Variants in BAZ1A observed in about 807,000 individuals in gnomAD.
BAZ1A encodes bromodomain adjacent to zinc finger domain 1A, also known as bromodomain adjacent to zinc finger domain protein 1A.
In BAZ1A, 50 loss-of-function variants were observed where a neutral mutation model predicts 185.2. The ratio of observed to expected loss-of-function variants is 0.27; its 90% confidence interval spans 0.22 to 0.34. The LOEUF (loss-of-function observed/expected upper bound fraction) is 0.34, where lower values mean the gene tolerates loss of function less well. Among genes scored for constraint, BAZ1A ranks in the 10% least tolerant of loss-of-function variants. The probability of loss-of-function intolerance (pLI) is 1.00; values close to 1 mark genes in which losing one functional copy is unlikely to be tolerated. For synonymous variants in BAZ1A, 571 were observed against 615.6 expected, an observed-to-expected ratio of 0.93 and a Z score of 1.07; for missense variants, 1,356 against 1,839.9, an observed-to-expected ratio of 0.74 and a Z score of 4.81.
chr14:34,803,776 ATAACT>A (rs1207674589), intron 6 of BAZ1A, among the ~76,000 whole-genome samples: 1 of 152,222 alleles, frequency 6.6e-6, no homozygotes, highest in African/African-American at 2.4e-5. Context: ...GGGTAGAGTA[ATAACT>A]TAACTACTTA....
intron 21 of BAZ1A, among the ~76,000 whole-genome samples, chr14:34,770,166 T>C (rs2138571264): frequency 6.6e-6 from 1 of 152,370 alleles, no homozygotes; most frequent in Non-Finnish European, 1.5e-5. Context: ...ATTTTTGTTT[T>C]TTTTAAGACA....
At chr14:34,812,666 G>C (rs2041946879) in intron 4 of BAZ1A, among the ~76,000 whole-genome samples, 1 of 152,232 alleles carries the variant, frequency 6.6e-6, no homozygotes, top group African/African-American at 2.4e-5. Flanking sequence ...TGAATGTAAA[G>C]AGGATGTAAG....
chr14:34,803,297 T>G (rs1881670670), intron 6 of BAZ1A, among the ~76,000 whole-genome samples: 1 of 149,266 alleles, frequency 6.7e-6, no homozygotes, highest in South Asian at 2.1e-4. Flanking sequence ...GAGAATCACT[T>G]GAATCTGGGA....
chr14:34,842,033 C>CT (rs2138761054), intron 3 of BAZ1A, among the ~76,000 whole-genome samples: 1 of 152,076 alleles, frequency 6.6e-6, no homozygotes, highest in African/African-American at 2.4e-5. Flanking sequence ...TAAAATTATC[C>CT]TTTTGTGTTT....
chr14:34,838,439 G>A (rs375824461), intron 3 of BAZ1A, among the ~76,000 whole-genome samples: 7 of 152,166 alleles, frequency 4.6e-5, no homozygotes, highest in Non-Finnish European at 8.8e-5. Context: ...GAAATGTTCT[G>A]TATTATAACT....
At chr14:34,867,249 A>G (rs1314927403) in intron 2 of BAZ1A, among the ~76,000 whole-genome samples, 1 of 151,886 alleles carries the variant, frequency 6.6e-6, no homozygotes, top group Non-Finnish European at 1.5e-5. Flanking sequence ...ACAGAGCGAG[A>G]CTCTGTCTCA....
intron 3 of BAZ1A, among the ~76,000 whole-genome samples, chr14:34,844,202 T>A: frequency 1.5e-5 from 1 of 65,400 alleles, no homozygotes. Context: ...CGAGACTCCG[T>A]CTCAAAAAAA....
At chr14:34,784,914 T>C (rs1405891287) in intron 14 of BAZ1A, among the ~76,000 whole-genome samples, 1 of 152,168 alleles carries the variant, frequency 6.6e-6, no homozygotes, top group African/African-American at 2.4e-5. Flanking sequence ...TGGAGTACAG[T>C]GGCACCATCT....
At chr14:34,812,229 G>C (rs767742166) in intron 4 of BAZ1A, among the ~76,000 whole-genome samples, 9 of 151,590 alleles carry the variant, frequency 5.9e-5, no homozygotes, top group African/African-American at 1.5e-4. Context: ...GAGATCTGGG[G>C]GGGGAGGGGA....
chr14:34,861,662 T>C (rs2042770706), intron 3 of BAZ1A, among the ~76,000 whole-genome samples: 5 of 152,216 alleles, frequency 3.3e-5, no homozygotes, highest in Admixed American at 3.3e-4. Context: ...AATAGAACTT[T>C]ATTATACAGT....
rs56363030 is a variant in BAZ1A, at chr14:34,854,371, G to A, written c.392+7673C>T. 3.3e-3 allele frequency among the ~76,000 whole-genome samples: 497 copies of A among 152,196 alleles called. 2 individuals carry two copies. Among genetic ancestry groups the A allele is most frequent in the African/African-American group, 0.011 (473 of 41,516 alleles). ...CGGGACACAGAATCTGCAGTGAGCC[G>A]AGGTCACGCTACTGCACTCCAGCCT... On this transcript the variant is annotated intron_variant, in intron 3 of 26. Coordinates refer to ENST00000360310, the MANE Select transcript of BAZ1A (RefSeq NM_013448.3).
In BAZ1A at chr14:34,788,368, A is replaced by G. The variant is rs377219998; in HGVS notation, c.1511-2147T>C. On this transcript the variant is annotated intron_variant, in intron 12 of 26. Transcript: ENST00000360310. ...GCCCAGGCTGGAGTGCAGTGCTGCA[A>G]TCTCAGCTCACTACAACCTCTGCCT... Among the ~76,000 whole-genome samples, 6 of 152,114 alleles carry G rather than the reference A, an allele frequency of 3.9e-5. No individual in the cohort carries two copies. In the East Asian group the frequency reaches 7.7e-4, roughly 20 times the overall value.
intron 4 of BAZ1A, among the ~76,000 whole-genome samples, chr14:34,817,146 A>C (rs574396578): frequency 6.6e-6 from 1 of 152,184 alleles, no homozygotes; most frequent in African/African-American, 2.4e-5. Flanking sequence ...TGCAGCCCAA[A>C]CTCTTATCCA....
chr14:34,858,932 G>A (rs183770790), intron 3 of BAZ1A, among the ~76,000 whole-genome samples: 1 of 152,220 alleles, frequency 6.6e-6, no homozygotes, highest in African/African-American at 2.4e-5. Flanking sequence ...CCTGAGGCAG[G>A]GATCATGCCT....
In BAZ1A at chr14:34,753,805, G is replaced by A. The variant is rs529312839; in HGVS notation, c.4475-101C>T. ...TGGAAATTTTATTAAGAAAATGGAA[G>A]CCCACTTTTTTCTTTAGAAAGAGAA... On this transcript the variant is annotated intron_variant, in intron 26 of 26. Coordinates refer to ENST00000360310, the MANE Select transcript of BAZ1A (RefSeq NM_013448.3). 2.8e-6 allele frequency: 3 copies of A among 1,063,368 alleles called. No individual in the cohort carries two copies. In the Admixed American group the frequency reaches 1.0e-4, roughly 36 times the overall value. 65.9% of individuals were successfully genotyped at this position (1,063,368 alleles called of 1,614,324 possible).
chr14:34,835,601 G>A lies in BAZ1A; in HGVS notation c.393-9445C>T, dbSNP rs111338292. On this transcript the variant is annotated intron_variant, in intron 3 of 26. Coordinates refer to ENST00000360310, the MANE Select transcript of BAZ1A (RefSeq NM_013448.3). Reference sequence around the variant, plus strand: ...AGAGTGAAAGCAAGACTGTGGAACAGGAGCAAGTACAGTATAAGGGCACAA... The same window carrying A: ...AGAGTGAAAGCAAGACTGTGGAACAAGAGCAAGTACAGTATAAGGGCACAA... 3.6e-3 allele frequency among the ~76,000 whole-genome samples: 542 copies of A among 151,756 alleles called. 16 individuals carry two copies. The highest frequency in any genetic ancestry group is 0.013 in the African/African-American group (519 of 41,182).
intron 1 of BAZ1A, 63 bp downstream of exon 1, chr14:34,875,075 G>A (rs1029088326): frequency 5.6e-6 from 2 of 357,032 alleles, no homozygotes; most frequent in South Asian, 4.1e-5. Context: ...GAGCTGCTCC[G>A]CTTTGTTCCC....
intron 21 of BAZ1A, among the ~76,000 whole-genome samples, chr14:34,769,594 A>G (rs1367885845): frequency 6.6e-6 from 1 of 152,202 alleles, no homozygotes; most frequent in African/African-American, 2.4e-5. Flanking sequence ...CAGACATACT[A>G]AACAATTAAT....
intron 5 of BAZ1A, among the ~76,000 whole-genome samples, chr14:34,809,365 C>G (rs1365121794): frequency 6.6e-6 from 1 of 152,112 alleles, no homozygotes; most frequent in Non-Finnish European, 1.5e-5. Context: ...AGCTACCAGC[C>G]ACATATTGTT....
Sources: allele counts gnomAD v4.1 joint callset (sites outside exome capture counted in the v4.1 genomes callset), GRCh38; gene constraint gnomAD v4.1.1; transcripts MANE v1.5; gene names NCBI Gene and HGNC (gene_info 2026-07-23, HGNC 2026-07-21).